The following RNF217 variants were observed in gnomAD, a reference collection of about 807,000 sequenced individuals.
RNF217 encodes the protein E3 ubiquitin-protein ligase RNF217.
RNF217 carries 31 observed loss-of-function variants against 57.8 expected under a neutral mutation model. The observed-to-expected ratio is 0.54, with a 90% CI of 0.40 to 0.72. RNF217 has a LOEUF of 0.72. Ranked by LOEUF, RNF217 falls within the 30% of genes least tolerant of loss-of-function variation. The pLI is 0.00. For missense variants in RNF217, 696 were observed against 708.3 expected (o/e 0.98, Z 0.20); for synonymous variants, 313 against 294.0 (o/e 1.06, Z -0.66).
rs554930245 is a variant in RNF217 at position 125,084,408 on chromosome 6, A to G, written c.*1471A>G. The G allele has an allele frequency of 1.3e-5, 2 of 151,196 alleles. No homozygotes were observed. The highest frequency in any genetic ancestry group is 4.2e-4 in the South Asian group (2 of 4,766). 9.4% of individuals were successfully genotyped at this position (151,196 alleles called of 1,614,324 possible). A position where few individuals can be genotyped will look rare whatever the true frequency, so the allele number is the denominator to read the frequency against. On this transcript the variant is annotated 3_prime_UTR_variant, in exon 6 of 6. Coordinates refer to ENST00000521654, the MANE Select transcript of RNF217 (RefSeq NM_001286398.3). ...TCACAAAAGTTCATCAGCAAACAGG[A>G]AAAAAAAAGACCCCTAAAAAGCCTA...
chr6:125,031,835 T>C (rs1389931811), intron 1 of RNF217, among the ~76,000 whole-genome samples: 1 of 152,166 alleles, frequency 6.6e-6, no homozygotes, highest in Non-Finnish European at 1.5e-5. Context: ...TTTTCAGCAA[T>C]GCCCCACTCT....
chr6:125,062,766 G>A (rs1017588951), intron 3 of RNF217, among the ~76,000 whole-genome samples: 10 of 151,988 alleles, frequency 6.6e-5, no homozygotes, highest in African/African-American at 1.9e-4. Flanking sequence ...TAGTAGAGAC[G>A]AGGTTTCACC....
intron 3 of RNF217, among the ~76,000 whole-genome samples, chr6:125,069,692 T>C (rs1247769973): frequency 6.6e-6 from 1 of 152,176 alleles, no homozygotes; most frequent in African/African-American, 2.4e-5. Context: ...CAACTGTAGT[T>C]CTAAGTTCTT....
chr6:125,021,155 G>C (rs1213716863), intron 1 of RNF217, among the ~76,000 whole-genome samples: 1 of 152,138 alleles, frequency 6.6e-6, no homozygotes, highest in Non-Finnish European at 1.5e-5. Context: ...ATTTATAATA[G>C]CATTAAGTTG....
chr6:124,980,979 C>G (rs769211684), intron 1 of RNF217, among the ~76,000 whole-genome samples: 2 of 152,038 alleles, frequency 1.3e-5, no homozygotes, highest in Non-Finnish European at 2.9e-5. Context: ...AGAACATAAA[C>G]TCTGTACGTT....
intron 3 of RNF217, among the ~76,000 whole-genome samples, 179 bp downstream of exon 3, chr6:125,058,285 A>G (rs535852848): frequency 6.6e-6 from 1 of 152,280 alleles, no homozygotes; most frequent in Non-Finnish European, 1.5e-5. Context: ...TAAACCATGT[A>G]TATTCTTATT....
intron 1 of RNF217, among the ~76,000 whole-genome samples, chr6:124,989,688 AT>A (rs1339019835): frequency 1.3e-5 from 2 of 151,892 alleles, no homozygotes; most frequent in African/African-American, 4.8e-5. Flanking sequence ...TCATTTTTCT[AT>A]TTAACCATTT....
intron 1 of RNF217, 104 bp from the exon 2 acceptor site, chr6:125,045,107 C>G: frequency 1.4e-6 from 1 of 699,058 alleles, no homozygotes. Flanking sequence ...TACACACAAT[C>G]CTTTATTGCG....
intron 3 of RNF217, among the ~76,000 whole-genome samples, chr6:125,066,374 T>C (rs1787938728): frequency 6.6e-6 from 1 of 152,126 alleles, no homozygotes; most frequent in Non-Finnish European, 1.5e-5. Context: ...ATGTCCCCAC[T>C]CTGTGACTCC....
At chr6:125,028,607 A>G (rs989542189) in intron 1 of RNF217, among the ~76,000 whole-genome samples, 1 of 152,134 alleles carries the variant, frequency 6.6e-6, no homozygotes, top group African/African-American at 2.4e-5. Flanking sequence ...ATTATAATTC[A>G]GTTTTAAAAA....
intron 1 of RNF217, among the ~76,000 whole-genome samples, chr6:124,967,647 A>G (rs1047920662): frequency 1.3e-5 from 2 of 152,248 alleles, no homozygotes; most frequent in African/African-American, 4.8e-5. Flanking sequence ...AACAGCTGCT[A>G]GATGATAAAG....
rs114323274 is a variant in RNF217, at chr6:124,985,316, G to A, written c.882+21890G>A. 9.8e-3 allele frequency among the ~76,000 whole-genome samples: 1,486 copies of A among 152,120 alleles called. 20 individuals carry two copies. The highest frequency in any genetic ancestry group is 0.034 in the African/African-American group (1,417 of 41,490). Reference sequence around the variant, plus strand: ...TTCTCTTTTTATTTTTAATTTTTGCGGATACATAATAGGTATGTATATTTA... The same window carrying A: ...TTCTCTTTTTATTTTTAATTTTTGCAGATACATAATAGGTATGTATATTTA... On this transcript the variant is annotated intron_variant, in intron 1 of 5. Transcript: ENST00000521654.
At chr6:125,056,865 A>C (rs986146393) in intron 2 of RNF217, among the ~76,000 whole-genome samples, 2 of 152,152 alleles carry the variant, frequency 1.3e-5, no homozygotes, top group African/African-American at 4.8e-5. Flanking sequence ...GGAATATTCC[A>C]CTATCATTCA....
chr6:125,052,284 T>TGTGTG (rs1787347086), intron 2 of RNF217, among the ~76,000 whole-genome samples: 2 of 143,136 alleles, frequency 1.4e-5, no homozygotes, highest in African/African-American at 5.1e-5. Flanking sequence ...GTCATGCGTT[T>TGTGTG]TGTGTGTGTG....
chr6:125,033,223 T>C (rs1786439056), intron 1 of RNF217, among the ~76,000 whole-genome samples: 1 of 151,550 alleles, frequency 6.6e-6, no homozygotes, highest in Admixed American at 6.6e-5. Flanking sequence ...ACTTAAGTTT[T>C]AGGGTACATG....
chr6:125,040,532 C>A (rs967678899), intron 1 of RNF217, among the ~76,000 whole-genome samples: 1 of 152,104 alleles, frequency 6.6e-6, no homozygotes. Flanking sequence ...TAATATCATT[C>A]CTTCTGAAAC....
At chr6:125,045,172 T>C in intron 1 of RNF217, 39 bp from the exon 2 acceptor site, 1 of 1,303,002 alleles carries the variant, frequency 7.7e-7, no homozygotes, top group Non-Finnish European at 1.1e-6. Flanking sequence ...AAATAACCAG[T>C]GACGTTTTTT....
At chr6:124,989,679 C>A (rs1227795926) in intron 1 of RNF217, among the ~76,000 whole-genome samples, 1 of 151,980 alleles carries the variant, frequency 6.6e-6, no homozygotes, top group Non-Finnish European at 1.5e-5. Flanking sequence ...CTATTCTTTT[C>A]ATTTTTCTAT....
intron 1 of RNF217, among the ~76,000 whole-genome samples, chr6:124,973,522 A>G (rs144892336): frequency 6.6e-6 from 1 of 152,380 alleles, no homozygotes; most frequent in African/African-American, 2.4e-5. Context: ...TAGGTGCTCA[A>G]TAAATATTTG....
Sources: allele counts gnomAD v4.1 joint callset (sites outside exome capture counted in the v4.1 genomes callset), GRCh38; gene constraint gnomAD v4.1.1; transcripts MANE v1.5; gene names NCBI Gene and HGNC (gene_info 2026-07-23, HGNC 2026-07-21).